The following MET variants were observed in gnomAD, a reference collection of about 807,000 sequenced individuals.
MET encodes hepatocyte growth factor receptor.
A neutral mutation model predicts 133.1 loss-of-function variants in MET; 48 were observed. That is an observed-to-expected ratio of 0.36 (90% CI 0.29 to 0.46). The LOEUF is 0.46. Among genes scored for constraint, MET ranks in the 20% least tolerant of loss-of-function variants. The probability of loss-of-function intolerance (pLI) is 1.00; values close to 1 mark genes in which losing one functional copy is unlikely to be tolerated. For synonymous variants in MET, 628 were observed against 616.5 expected (o/e 1.02, Z -0.28); for missense variants, 1,442 against 1,695.9 (o/e 0.85, Z 2.63).
chr7:116,747,818 TA>T (rs1793750362), intron 5 of MET, among the ~76,000 whole-genome samples: 2 of 152,214 alleles, frequency 1.3e-5, no homozygotes, highest in Admixed American at 6.5e-5. Flanking sequence ...ATCAGTAGAA[TA>T]TACATTCTTC....
chr7:116,780,125 A>G (rs1003165324), intron 17 of MET, among the ~76,000 whole-genome samples: 1 of 152,138 alleles, frequency 6.6e-6, no homozygotes, highest in Non-Finnish European at 1.5e-5. Context: ...TAAGGGTTAC[A>G]AAAAAAGGTT....
Position 116,767,085 on chromosome 7 carries a change from C to T in MET, c.2584-2560C>T, listed in dbSNP as rs1012701223. ...ATCTCCCTGGACTTTGGACCCTCAG[C>T]CTGGCTGAGTCCTGCTGCCAAACTG... On this transcript the variant is annotated intron_variant, in intron 11 of 20. Coordinates refer to ENST00000397752, the MANE Select transcript of MET (RefSeq NM_000245.4). Among the ~76,000 whole-genome samples the T allele has an allele frequency of 2.6e-5, 4 of 152,298 alleles. 1 individual carries two copies. The highest frequency in any genetic ancestry group is 2.1e-4 in the South Asian group (1 of 4,816).
intron 2 of MET, among the ~76,000 whole-genome samples, chr7:116,717,646 C>T (rs1287523485): frequency 6.6e-6 from 1 of 152,140 alleles, no homozygotes; most frequent in Non-Finnish European, 1.5e-5. Context: ...AAAGGTGATA[C>T]AAGTGAACTG....
At chr7:116,725,231 C>T (rs1346914646) in intron 2 of MET, among the ~76,000 whole-genome samples, 2 of 152,070 alleles carry the variant, frequency 1.3e-5, no homozygotes, top group Non-Finnish European at 2.9e-5. Flanking sequence ...TCATAACAAA[C>T]CCAAGTCACA....
chr7:116,714,349 A>G (rs1397038390), intron 2 of MET, among the ~76,000 whole-genome samples: 2 of 152,202 alleles, frequency 1.3e-5, no homozygotes, highest in Non-Finnish European at 2.9e-5. Context: ...ATAAACCCAT[A>G]TACACATATA....
chr7:116,764,624 T>C (rs774093686), intron 11 of MET, among the ~76,000 whole-genome samples: 2 of 152,128 alleles, frequency 1.3e-5, no homozygotes, highest in Admixed American at 6.5e-5. Context: ...AAAACTTCTC[T>C]TTCCATAAAT....
At chr7:116,701,097 T>G (rs1791560156) in intron 2 of MET, among the ~76,000 whole-genome samples, 1 of 152,340 alleles carries the variant, frequency 6.6e-6, no homozygotes, top group South Asian at 2.1e-4. Flanking sequence ...AGAGATATTC[T>G]TGGTGCTGTG....
chr7:116,788,948 T>G (rs183004460), intron 19 of MET, among the ~76,000 whole-genome samples: 1 of 152,226 alleles, frequency 6.6e-6, no homozygotes, highest in African/African-American at 2.4e-5. Context: ...CTGAACCCTT[T>G]TGCAATGGGT....
At chr7:116,785,758 A>T (rs1795292708) in intron 19 of MET, among the ~76,000 whole-genome samples, 1 of 152,258 alleles carries the variant, frequency 6.6e-6, no homozygotes, top group Non-Finnish European at 1.5e-5. Context: ...TGAAAGGAGG[A>T]GCATCTCAGA....
intron 5 of MET, among the ~76,000 whole-genome samples, chr7:116,745,474 C>A (rs761863605): frequency 5.8e-4 from 89 of 152,296 alleles, no homozygotes; most frequent in East Asian, 7.7e-4. Flanking sequence ...ATTGTCAAGT[C>A]AATACTAAGC....
At chr7:116,685,240 G>A (rs764564850) in intron 1 of MET, among the ~76,000 whole-genome samples, 2 of 152,102 alleles carry the variant, frequency 1.3e-5, no homozygotes, top group Non-Finnish European at 2.9e-5. Flanking sequence ...CCTCTCCTCG[G>A]AGATCCCATC....
chr7:116,731,421 T>C lies in MET; in HGVS notation c.1201-247T>C, dbSNP rs7804778. On this transcript the variant is annotated intron_variant, in intron 2 of 20. Transcript: ENST00000397752. ...AATAGCAGCAGCTAAGTTCCATTTT[T>C]AGGCGTGCACATATTGAACCATGGT... 0.043 allele frequency among the ~76,000 whole-genome samples: 6,506 copies of C among 152,284 alleles called. 171 individuals carry two copies. The highest frequency in any genetic ancestry group is 0.069 in the African/African-American group (2,861 of 41,562).
rs542790265 is a variant in MET at position 116,790,842 on chromosome 7, C to T, written c.3799-4813C>T. 1.9e-4 allele frequency among the ~76,000 whole-genome samples: 29 copies of T among 152,194 alleles called. No individual in the cohort carries two copies. The South Asian group carries it at 2.5e-3, about 13-fold the overall frequency. On this transcript the variant is annotated intron_variant, in intron 19 of 20. Coordinates refer to ENST00000397752, the MANE Select transcript of MET (RefSeq NM_000245.4). ...CTGTAATCCCAGCACTTTGGGAGGC[C>T]GAGGAGGGCAGATCACTTGATGTTA...
rs1442896663 is a variant in MET at position 116,771,926 on chromosome 7, G to A, written c.2965G>A (p.Val989Ile). 19 of 1,613,900 alleles carry A rather than the reference G, an allele frequency of 1.2e-5. No individual in the cohort carries two copies. Among genetic ancestry groups the A allele is most frequent in the Non-Finnish European group, 1.6e-5 (19 of 1,179,870 alleles). Residue 989 changes from valine (V) to isoleucine (I), a missense_variant, in exon 14 of 21, where the codon GTA becomes ATA. By Grantham distance (29) the Val-to-Ile change is conservative. This residue lies in a region of MET where 514 missense variants were observed against 659.6 expected (regional missense o/e 0.78). Coordinates refer to ENST00000397752, the MANE Select transcript of MET (RefSeq NM_000245.4). ...HLDRLVSARS[V>I]SPTTEMVSNE... ...GGATAGGCTTGTAAGTGCCCGAAGT[G>A]TAAGCCCAACTACAGAAATGGTTTC...
At chr7:116,770,165 A>G (rs1026775333) in intron 12 of MET, among the ~76,000 whole-genome samples, 20 of 152,232 alleles carry the variant, frequency 1.3e-4, no homozygotes, top group African/African-American at 3.9e-4. Flanking sequence ...ACTAATGCAT[A>G]GAGTCCCATA....
rs2116908443 is a variant in MET at position 116,755,348 on chromosome 7, C to T, written c.1702-7C>T. The T allele has an allele frequency of 1.2e-6, 2 of 1,613,584 alleles. No homozygotes were observed. The highest frequency in any genetic ancestry group is 1.7e-6 in the Non-Finnish European group (2 of 1,179,876). The stretch of plus-strand genomic sequence containing the variant: ...GTTTTTTTAAAAGTTCTATGTTGTC[C>T]TTGTAGGTTTTCCCAAATAGTGCAC... On this transcript the variant is annotated splice_polypyrimidine_tract_variant and splice_region_variant and intron_variant, in intron 5 of 20. Coordinates refer to ENST00000397752, the MANE Select transcript of MET (RefSeq NM_000245.4).
chr7:116,747,415 T>C (rs960695652), intron 5 of MET, among the ~76,000 whole-genome samples: 10 of 151,906 alleles, frequency 6.6e-5, no homozygotes, highest in Non-Finnish European at 1.5e-4. Context: ...AGGCTCAAAA[T>C]AAAGGGGCGG....
intron 18 of MET, 121 bp downstream of exon 18, chr7:116,782,218 A>G: frequency 4.0e-6 from 3 of 753,022 alleles, no homozygotes. Context: ...TATTTCTGTT[A>G]CAATCTTAAA....
rs570993098 is a variant in MET, at chr7:116,696,634, A to G, written c.-14-2437A>G. Among the ~76,000 whole-genome samples the G allele has an allele frequency of 6.6e-5, 10 of 152,290 alleles. 1 individual carries two copies. The highest frequency in any genetic ancestry group is 4.6e-4 in the Admixed American group (7 of 15,296). On this transcript the variant is annotated intron_variant, in intron 1 of 20. Coordinates refer to ENST00000397752, the MANE Select transcript of MET (RefSeq NM_000245.4). ...CCTTGACTCCTGCATAGATTTCTCA[A>G]CTGTGGGTATCCCCTAAGATTTAGG...
Sources: allele counts gnomAD v4.1 joint callset (sites outside exome capture counted in the v4.1 genomes callset), GRCh38; gene constraint gnomAD v4.1.1; regional missense constraint gnomAD v4.1.1; transcripts MANE v1.5; gene names NCBI Gene and HGNC (gene_info 2026-07-23, HGNC 2026-07-21).